TBXAS1: variants seen among roughly 807,000 people sequenced by gnomAD.
TBXAS1 encodes the protein thromboxane A synthase 1.
A neutral mutation model predicts 60.7 loss-of-function variants in TBXAS1; 48 were observed. That is an observed-to-expected ratio of 0.79 (90% CI 0.63 to 1.01). TBXAS1 has a LOEUF of 1.01. Ranked by LOEUF, TBXAS1 falls within the 50% of genes least tolerant of loss-of-function variation. The pLI is 0.00. For synonymous variants in TBXAS1, 287 were observed against 269.7 expected (o/e 1.06, Z -0.63); for missense variants, 685 against 686.3 (o/e 1.00, Z 0.02).
intron 3 of TBXAS1, among the ~76,000 whole-genome samples, chr7:139,886,084 A>G (rs775402625): frequency 1.3e-5 from 2 of 152,232 alleles, no homozygotes; most frequent in Non-Finnish European, 2.9e-5. Context: ...AGCTATGCAC[A>G]CAAAGTAATT....
intron 4 of TBXAS1, among the ~76,000 whole-genome samples, chr7:139,935,821 C>T (rs191741739): frequency 6.6e-6 from 1 of 151,892 alleles, no homozygotes; most frequent in Non-Finnish European, 1.5e-5. Flanking sequence ...AGACATGATA[C>T]TAATTCCCAG....
chr7:139,895,367 C>T (rs1214631754), intron 3 of TBXAS1, among the ~76,000 whole-genome samples: 1 of 152,190 alleles, frequency 6.6e-6, no homozygotes, highest in East Asian at 1.9e-4. Flanking sequence ...CTGCTTAAAG[C>T]CATGTCTTGC....
In TBXAS1 at chr7:139,848,135, C is replaced by CTTATTTAT. The variant is rs35299952; in HGVS notation, c.89+18679_89+18686dup. On this transcript the variant is annotated intron_variant, in intron 1 of 12. Transcript: ENST00000448866. ...CATCCCTGGCTAATTTTATGTTTTA[C>CTTATTTAT]TTATTTATTTATTTATTTATTTATT... Among the ~76,000 whole-genome samples, 1,120 of 150,670 alleles carry CTTATTTAT rather than the reference C, an allele frequency of 7.4e-3. 16 individuals are homozygous for CTTATTTAT. The highest frequency in any genetic ancestry group is 0.026 in the African/African-American group (1,066 of 40,764).
intron 9 of TBXAS1, among the ~76,000 whole-genome samples, chr7:139,969,219 G>C (rs12112490): frequency 6.6e-6 from 1 of 152,186 alleles, no homozygotes; most frequent in African/African-American, 2.4e-5. Flanking sequence ...TTTGAACACA[G>C]TTATGCCTTA....
intron 3 of TBXAS1, among the ~76,000 whole-genome samples, chr7:139,883,308 T>G (rs1343934796): frequency 6.6e-6 from 1 of 152,236 alleles, no homozygotes. Flanking sequence ...CCATGCTTTC[T>G]TATGATTTAA....
chr7:139,873,506 T>C lies in TBXAS1; in HGVS notation c.183+1178T>C, dbSNP rs185636346. On this transcript the variant is annotated intron_variant, in intron 2 of 12. Transcript: ENST00000448866. ...GATAATTGGGAGCAAAATGAAGAAC[T>C]CTTGTGACAAATTAGTGTAGAGAAT... Among the ~76,000 whole-genome samples the C allele has an allele frequency of 6.6e-5, 10 of 152,258 alleles. No individual in the cohort carries two copies. The East Asian group carries it at 1.7e-3, about 26-fold the overall frequency.
At chr7:139,991,898 G>A (rs763888517) in intron 9 of TBXAS1, among the ~76,000 whole-genome samples, 8 of 152,220 alleles carry the variant, frequency 5.3e-5, no homozygotes, top group Non-Finnish European at 1.0e-4. Flanking sequence ...GGGAGCACTT[G>A]GCCCCCAGCC....
chr7:139,936,922 G>A (rs1488591942), intron 5 of TBXAS1, among the ~76,000 whole-genome samples: 1 of 152,154 alleles, frequency 6.6e-6, no homozygotes, highest in Non-Finnish European at 1.5e-5. Context: ...TTCAAGGGAA[G>A]GGCAGGCTCC....
chr7:139,913,273 A>G (rs6464448), intron 4 of TBXAS1: 93,413 of 631,426 alleles, frequency 0.15, 8,199 homozygotes, highest in African/African-American at 0.31. Flanking sequence ...CCGTCTGTCA[A>G]GAAACTGATT....
At chr7:139,830,204 T>TA (rs1798614579) in intron 1 of TBXAS1, among the ~76,000 whole-genome samples, 1 of 152,164 alleles carries the variant, frequency 6.6e-6, no homozygotes, top group African/African-American at 2.4e-5. Context: ...CAGTTAAACT[T>TA]ATTAGAGTTA....
At chr7:139,989,835 A>G (rs540717410) in intron 9 of TBXAS1, among the ~76,000 whole-genome samples, 2 of 152,248 alleles carry the variant, frequency 1.3e-5, no homozygotes, top group East Asian at 1.9e-4. Context: ...GTCCTATAGC[A>G]ATCAGGGTGC....
At chr7:139,830,608 G>C (rs190196914) in intron 1 of TBXAS1, among the ~76,000 whole-genome samples, 2 of 151,336 alleles carry the variant, frequency 1.3e-5, no homozygotes, top group African/African-American at 4.9e-5. Flanking sequence ...GTAAAACCAA[G>C]AGCAAATGGT....
At chr7:139,989,739 G>A (rs1172391380) in intron 9 of TBXAS1, among the ~76,000 whole-genome samples, 1 of 152,188 alleles carries the variant, frequency 6.6e-6, no homozygotes, top group Non-Finnish European at 1.5e-5. Context: ...CCCCATGCGG[G>A]CCCATCTCTG....
At chr7:140,000,129 C>T (rs983507572) in intron 9 of TBXAS1, among the ~76,000 whole-genome samples, 1 of 152,128 alleles carries the variant, frequency 6.6e-6, no homozygotes, top group Non-Finnish European at 1.5e-5. Context: ...TTATTTCCTA[C>T]ATAAAAGGAT....
At chr7:139,956,544 T>G (rs903301677) in intron 7 of TBXAS1, among the ~76,000 whole-genome samples, 3 of 152,270 alleles carry the variant, frequency 2.0e-5, no homozygotes, top group Admixed American at 6.5e-5. Context: ...ATGCTTGGTA[T>G]TGATTATTGC....
intron 9 of TBXAS1, among the ~76,000 whole-genome samples, chr7:139,980,109 G>A (rs1280963095): frequency 6.6e-6 from 1 of 151,996 alleles, no homozygotes; most frequent in Non-Finnish European, 1.5e-5. Flanking sequence ...ACTTAATAAG[G>A]CCTGTGCGGG....
At chr7:139,927,306 T>C (rs1354550877) in intron 4 of TBXAS1, among the ~76,000 whole-genome samples, 1 of 152,212 alleles carries the variant, frequency 6.6e-6, no homozygotes, top group African/African-American at 2.4e-5. Context: ...GTATCTATTG[T>C]ATGTTTTTAG....
chr7:139,780,556 C>G (rs1796951253), intron 1 of TBXAS1, among the ~76,000 whole-genome samples: 1 of 151,276 alleles, frequency 6.6e-6, no homozygotes. Context: ...GTGTCCAGCA[C>G]AACACTACAA....
At position 139,803,812 on chromosome 7, in the gene TBXAS1, G is replaced by C. The variant is rs115009052; in HGVS notation, c.-80+16386G>C. ...AGCTTTTACATGGTTTGAGCCTGCA[G>C]GTGCAAAAAAGTCAAGAATTGAGGT... On this transcript the variant is annotated intron_variant, in intron 4 of 16. Transcript: ENST00000336425. Among the ~76,000 whole-genome samples the C allele has an allele frequency of 7.7e-3, 1,174 of 152,286 alleles. 18 individuals carry two copies. Among genetic ancestry groups the C allele is most frequent in the African/African-American group, 0.027 (1,117 of 41,554 alleles).
Sources: allele counts gnomAD v4.1 joint callset (sites outside exome capture counted in the v4.1 genomes callset), GRCh38; gene constraint gnomAD v4.1.1; transcripts MANE v1.5; gene names NCBI Gene and HGNC (gene_info 2026-07-23, HGNC 2026-07-21).